Variants in ITPR1 observed in about 807,000 individuals in gnomAD.
ITPR1 encodes the protein inositol 1,4,5-trisphosphate receptor type 1.
A neutral mutation model predicts 318.4 loss-of-function variants in ITPR1; 96 were observed. The observed-to-expected ratio is 0.30, with a 90% CI of 0.26 to 0.36. The LOEUF (loss-of-function observed/expected upper bound fraction) is 0.36, where lower values mean the gene tolerates loss of function less well. Ranked by LOEUF, ITPR1 falls within the 10% of genes least tolerant of loss-of-function variation. The pLI is 1.00. For missense variants in ITPR1, 2,440 were observed against 3,460.2 expected, an observed-to-expected ratio of 0.71 and a Z score of 7.40; for synonymous variants, 1,312 against 1,289.9, an observed-to-expected ratio of 1.02 and a Z score of -0.37.
At chr3:4,535,442 A>ATTTTTT (rs34152018) in intron 4 of ITPR1, among the ~76,000 whole-genome samples, 5 of 100,980 alleles carry the variant, frequency 5.0e-5, no homozygotes, top group Non-Finnish European at 9.2e-5. Context: ...TTTTTTTTTA[A>ATTTTTT]TTTTTTTTTT....
intron 4 of ITPR1, among the ~76,000 whole-genome samples, chr3:4,609,195 A>G (rs866051376): frequency 6.7e-6 from 1 of 149,560 alleles, no homozygotes; most frequent in Non-Finnish European, 1.5e-5. Flanking sequence ...GAGAATCTCT[A>G]CTATGATAAG....
At chr3:4,510,868 A>G (rs753029792) in intron 2 of ITPR1, among the ~76,000 whole-genome samples, 2 of 152,126 alleles carry the variant, frequency 1.3e-5, no homozygotes, top group Non-Finnish European at 2.9e-5. Context: ...AATTAGAGCA[A>G]GGGGTGGGGT....
At chr3:4,720,835 A>G (rs942050554) in intron 40 of ITPR1, among the ~76,000 whole-genome samples, 2 of 151,990 alleles carry the variant, frequency 1.3e-5, no homozygotes, top group East Asian at 3.9e-4. Flanking sequence ...ATTAAATTTC[A>G]CCTTCAGGGG....
intron 4 of ITPR1, among the ~76,000 whole-genome samples, chr3:4,589,855 G>T (rs146426183): frequency 1.4e-3 from 209 of 152,274 alleles, no homozygotes; most frequent in Middle Eastern, 3.4e-3. Flanking sequence ...TATGCGGCCA[G>T]GATTGAGAAC....
chr3:4,798,946 C>G (rs777246434), intron 53 of ITPR1, among the ~76,000 whole-genome samples: 1 of 152,160 alleles, frequency 6.6e-6, no homozygotes, highest in Non-Finnish European at 1.5e-5. Flanking sequence ...GGCAAGGCAT[C>G]ACCTGCAAAG....
intron 4 of ITPR1, among the ~76,000 whole-genome samples, chr3:4,580,299 G>A (rs1238861444): frequency 2.0e-5 from 3 of 152,180 alleles, no homozygotes; most frequent in Non-Finnish European, 4.4e-5. Flanking sequence ...TAAGTATTCA[G>A]GAGTGAGGAG....
intron 45 of ITPR1, among the ~76,000 whole-genome samples, chr3:4,767,333 T>C (rs1405571103): frequency 6.6e-6 from 1 of 152,260 alleles, no homozygotes; most frequent in East Asian, 1.9e-4. Context: ...ACCCAGTAGA[T>C]GCCAGCAGCA....
intron 60 of ITPR1, chr3:4,830,942 T>C: frequency 2.2e-6 from 1 of 456,570 alleles, no homozygotes; most frequent in South Asian, 1.5e-5. Flanking sequence ...AACGTAAAAC[T>C]CTACCTGAGC....
intron 44 of ITPR1, among the ~76,000 whole-genome samples, chr3:4,765,381 G>A (rs1318615654): frequency 6.6e-6 from 1 of 152,242 alleles, no homozygotes; most frequent in African/African-American, 2.4e-5. Flanking sequence ...TGTCCACAAA[G>A]TGTGTGAGTC....
intron 47 of ITPR1, 95 bp downstream of exon 47, chr3:4,775,537 T>C (rs1051571633): frequency 1.1e-6 from 1 of 932,910 alleles, no homozygotes; most frequent in Non-Finnish European, 1.7e-6. Flanking sequence ...CCTGTGCCTG[T>C]TGGCCTAGGG....
In ITPR1 at chr3:4,661,587, T is replaced by C. The variant is rs532710226; in HGVS notation, c.1252-495T>C. 1.5e-4 allele frequency among the ~76,000 whole-genome samples: 23 copies of C among 152,342 alleles called. No individual in the cohort carries two copies. In the South Asian group the frequency reaches 2.1e-3, roughly 14 times the overall value. On this transcript the variant is annotated intron_variant, in intron 14 of 61. Transcript: ENST00000649015. ...AAGTAAATAGACATGGGGGTTTTCT[T>C]TTAACAAGTGGAAGGATGCTCTCAT...
Position 4,710,158 on chromosome 3 carries a change from AG to A in ITPR1, c.4843-165del, listed in dbSNP as rs2041246437. Among the ~76,000 whole-genome samples the A allele has an allele frequency of 6.6e-6, 1 of 152,196 alleles. No individual in the cohort carries two copies. Among genetic ancestry groups the A allele is most frequent in the African/African-American group, 2.4e-5 (1 of 41,440 alleles). On this transcript the variant is annotated intron_variant, in intron 37 of 61. Transcript: ENST00000649015. The surrounding 1 kb of genome is among the most constrained non-coding windows in gnomAD (Gnocchi z 4.2). ...TTTCTGCATCAGAGGCTAATGTTTC[AG>A]GTAACCATTGGGCAATGTCTAATAA...
chr3:4,830,988 G>A (rs566340980), intron 60 of ITPR1: 1 of 456,576 alleles, frequency 2.2e-6, no homozygotes, highest in East Asian at 6.9e-5. Context: ...TTACTCGGTA[G>A]TCTTTCTTAG....
At chr3:4,551,976 G>C (rs2085613182) in intron 4 of ITPR1, among the ~76,000 whole-genome samples, 1 of 152,146 alleles carries the variant, frequency 6.6e-6, no homozygotes, top group Admixed American at 6.6e-5. Flanking sequence ...TGTGAAACAG[G>C]CTTGTCTTTA....
intron 51 of ITPR1, among the ~76,000 whole-genome samples, chr3:4,787,586 T>C (rs1361179097): frequency 2.0e-5 from 3 of 148,478 alleles, no homozygotes; most frequent in Admixed American, 6.7e-5. Context: ...TAATCCCAGC[T>C]ACTCTGGAGG....
At chr3:4,828,514 C>T (rs956243722) in intron 60 of ITPR1, among the ~76,000 whole-genome samples, 18 of 152,172 alleles carry the variant, frequency 1.2e-4, no homozygotes, top group African/African-American at 4.1e-4. Context: ...CTCCTCCTGT[C>T]CTCTGGTTTC....
chr3:4,827,896 T>C (rs1328879375), intron 60 of ITPR1, among the ~76,000 whole-genome samples: 2 of 152,052 alleles, frequency 1.3e-5, no homozygotes, highest in Non-Finnish European at 2.9e-5. Flanking sequence ...TCCAAACCAC[T>C]CTTAAGTCAA....
intron 2 of ITPR1, among the ~76,000 whole-genome samples, chr3:4,498,320 G>T (rs1037782815): frequency 6.6e-6 from 1 of 152,182 alleles, no homozygotes; most frequent in Non-Finnish European, 1.5e-5. Context: ...GGAGGCAAAC[G>T]AGTTGACCCT....
chr3:4,791,132 A>G (rs2047527359), intron 52 of ITPR1, among the ~76,000 whole-genome samples: 1 of 152,210 alleles, frequency 6.6e-6, no homozygotes, highest in Non-Finnish European at 1.5e-5. Flanking sequence ...AAAACTAGGA[A>G]AGAATGTTAC....
Sources: gnomAD v4.1 joint callset for allele counts (sites outside exome capture counted in the v4.1 genomes callset) on GRCh38, gnomAD v4.1.1 for gene constraint, Gnocchi (gnomAD v3.1) non-coding constraint, MANE v1.5 for transcripts, NCBI Gene and HGNC (gene_info 2026-07-23, HGNC 2026-07-21) for gene names.